The following SIN3B variants were observed in gnomAD, a reference collection of about 807,000 sequenced individuals.
SIN3B encodes paired amphipathic helix protein Sin3b.
SIN3B carries 19 observed loss-of-function variants against 120.2 expected under a neutral mutation model. The observed-to-expected ratio is 0.16, with a 90% CI of 0.11 to 0.23. SIN3B has a LOEUF of 0.23. Among genes scored for constraint, SIN3B ranks in the 10% least tolerant of loss-of-function variants. The probability of loss-of-function intolerance (pLI) is 1.00; values close to 1 mark genes in which losing one functional copy is unlikely to be tolerated. For missense variants in SIN3B, 1,073 were observed against 1,573.0 expected (o/e 0.68, Z 5.38); for synonymous variants, 654 against 653.2 (o/e 1.00, Z -0.02).
chr19:16,867,832 C>G (rs1971799233), intron 12 of SIN3B, among the ~76,000 whole-genome samples: 1 of 152,156 alleles, frequency 6.6e-6, no homozygotes, highest in South Asian at 2.1e-4. Flanking sequence ...CCACCCACAA[C>G]CACTCTGGCT....
chr19:16,844,505 C>T (rs1389843697), intron 4 of SIN3B, among the ~76,000 whole-genome samples: 1 of 152,186 alleles, frequency 6.6e-6, no homozygotes, highest in Non-Finnish European at 1.5e-5. Flanking sequence ...GGGTAACTGT[C>T]ACCCATTACA....
chr19:16,834,564 A>G (rs897444254), intron 3 of SIN3B, among the ~76,000 whole-genome samples: 2 of 152,190 alleles, frequency 1.3e-5, no homozygotes, highest in African/African-American at 4.8e-5. Context: ...TTCACTTAGT[A>G]GCTACTCAGC....
rs904804263 is a variant in SIN3B at position 16,878,257 on chromosome 19, G to T, written c.3029G>T (p.Trp1010Leu). Residue 1010 changes from tryptophan (W) to leucine (L), a missense_variant, in exon 18 of 19, where the codon TGG becomes TTG. By Grantham distance (61) the Trp-to-Leu change is moderately conservative. Coordinates refer to ENST00000248054, the MANE Select transcript of SIN3B (RefSeq NM_001297595.2). ...CTGCGCGGTGAGGCCAGGAGCTCCT[G>T]GAAGCGGCTGGTGGGCGTGGAGAGC... is the stretch of plus-strand genomic sequence containing the variant. ...RALRGEARSS[W>L]KRLVGVESAC... is the part of the protein sequence containing the mutation. The T allele has an allele frequency of 6.9e-6, 11 of 1,599,906 alleles. No individual in the cohort carries two copies. Among genetic ancestry groups the T allele is most frequent in the Non-Finnish European group, 6.8e-6 (8 of 1,173,764 alleles).
intron 3 of SIN3B, among the ~76,000 whole-genome samples, chr19:16,839,357 A>G (rs930657172): frequency 1.3e-5 from 2 of 152,112 alleles, no homozygotes; most frequent in African/African-American, 4.8e-5. Flanking sequence ...GGTAGCAATA[A>G]TTCCATGGTC....
chr19:16,876,659 G>T lies in SIN3B; in HGVS notation c.2859+81G>T. ...AGCATGGGGCTCCCACCAGCCAAGC[G>T]CAGGCCGCGCAGCATCCAGAGACCC... On this transcript the variant is annotated intron_variant, in intron 16 of 18. Transcript: ENST00000248054. This position sits in a 1 kb window ranked among gnomAD's most constrained non-coding sequence, Gnocchi z 7.1. The T allele has an allele frequency of 1.9e-6, 2 of 1,072,132 alleles. No individual in the cohort carries two copies. Among genetic ancestry groups the T allele is most frequent in the Non-Finnish European group, 1.4e-6 (1 of 718,604 alleles). 66.4% of individuals were successfully genotyped at this position (1,072,132 alleles called of 1,614,324 possible). A position where few individuals can be genotyped will look rare whatever the true frequency, so the allele number is the denominator to read the frequency against.
Position 16,878,817 on chromosome 19 carries a change from T to A in SIN3B, c.*90T>A. The stretch of plus-strand genomic sequence containing the variant: ...GTCGGGGCCGTTTTCTTGAACGACG[T>A]GAGAGGCATCTCCCAGCCCCTCTGC... On this transcript the variant is annotated 3_prime_UTR_variant, in exon 19 of 19. Transcript: ENST00000248054. 2 of 1,140,448 alleles carry A rather than the reference T, an allele frequency of 1.8e-6. No individual in the cohort carries two copies. Among genetic ancestry groups the A allele is most frequent in the Non-Finnish European group, 2.5e-6 (2 of 810,414 alleles). The allele number at this position is 1,140,448 out of a possible 1,614,324, so 70.6% of individuals were successfully genotyped here.
intron 8 of SIN3B, among the ~76,000 whole-genome samples, chr19:16,859,430 GTC>G (rs1050038420): frequency 1.3e-5 from 2 of 152,094 alleles, no homozygotes; most frequent in African/African-American, 4.8e-5. Flanking sequence ...CCTTACCAGG[GTC>G]TCTAACAATG....
chr19:16,857,678 T>C lies in SIN3B; in HGVS notation c.1058+3417T>C, dbSNP rs534034030. 3.2e-4 allele frequency among the ~76,000 whole-genome samples: 48 copies of C among 152,126 alleles called. 1 individual carries two copies. Among genetic ancestry groups the C allele is most frequent in the Middle Eastern group, 3.4e-3 (1 of 294 alleles). On this transcript the variant is annotated intron_variant, in intron 8 of 18. Transcript: ENST00000248054. ...ATGTGCCCACCACCCACATCAAAAA[T>C]AGACTCCAGGAGCACCCCCGCATAC... is the stretch of plus-strand genomic sequence containing the variant.
chr19:16,856,946 C>A (rs1255739521), intron 8 of SIN3B, among the ~76,000 whole-genome samples: 1 of 152,118 alleles, frequency 6.6e-6, no homozygotes, highest in African/African-American at 2.4e-5. Flanking sequence ...CAGTCCTTAG[C>A]CCTTTTCCCA....
At chr19:16,868,082 G>A (rs904325828) in intron 12 of SIN3B, among the ~76,000 whole-genome samples, 1 of 152,148 alleles carries the variant, frequency 6.6e-6, no homozygotes, top group Non-Finnish European at 1.5e-5. Context: ...ATTCCATCAC[G>A]TGATTTACAA....
intron 14 of SIN3B, among the ~76,000 whole-genome samples, chr19:16,874,831 G>A (rs2051566885): frequency 6.6e-6 from 1 of 151,602 alleles, no homozygotes; most frequent in Admixed American, 6.6e-5. Context: ...TTTTGGTCTG[G>A]TCTGATTTGA....
chr19:16,861,342 G>A (rs1971685317), intron 8 of SIN3B, among the ~76,000 whole-genome samples: 1 of 152,208 alleles, frequency 6.6e-6, no homozygotes, highest in South Asian at 2.1e-4. Context: ...TTTACAATGG[G>A]ATGGCTAGGC....
chr19:16,851,302 G>A (rs372301542), intron 5 of SIN3B, 110 bp from the exon 6 acceptor site: 5 of 1,350,150 alleles, frequency 3.7e-6, no homozygotes, highest in Admixed American at 2.7e-5. Flanking sequence ...GGTGCCCGTG[G>A]CCACCATTGC....
At chr19:16,877,415 G>A in intron 16 of SIN3B, 130 bp from the exon 17 acceptor site, 1 of 661,158 alleles carries the variant, frequency 1.5e-6, no homozygotes, top group Non-Finnish European at 2.7e-6. Flanking sequence ...GTCCTCTGCA[G>A]CGGCTCTCCT....
At chr19:16,871,673 ACTGCCCATTCCC>A (rs1429066170) in intron 14 of SIN3B, 1 of 391,800 alleles carries the variant, frequency 2.6e-6, no homozygotes. Flanking sequence ...ATCAGCAGCC[ACTGCCCATTCCC>A]CTGCCCCGAG....
At chr19:16,836,189 G>C (rs543390592) in intron 3 of SIN3B, among the ~76,000 whole-genome samples, 65 of 152,260 alleles carry the variant, frequency 4.3e-4, no homozygotes, top group Non-Finnish European at 7.8e-4. Context: ...CAGCCTCCCT[G>C]GCCTCCACCC....
chr19:16,842,854 A>G (rs1260274924), intron 4 of SIN3B, among the ~76,000 whole-genome samples: 1 of 152,202 alleles, frequency 6.6e-6, no homozygotes, highest in African/African-American at 2.4e-5. Context: ...GAATCTTGAC[A>G]TATCAGTCGG....
At chr19:16,866,340 T>C (rs777094042) in intron 11 of SIN3B, 33 bp from the exon 12 acceptor site, 36 of 1,584,670 alleles carry the variant, frequency 2.3e-5, no homozygotes, top group Middle Eastern at 1.7e-4. Context: ...TGCCCTGGCT[T>C]GTCCCTGGTG....
At position 16,869,455 on chromosome 19, in the gene SIN3B, C is replaced by G; in HGVS notation, c.1807-5C>G. 1 of 1,599,476 alleles carries G rather than the reference C, an allele frequency of 6.3e-7. No homozygotes were observed. ...TCCACCTAATGGCCGCCCTTCCCCC[C>G]ACAGCACCAGGAGCAGCACTCGGAG... On this transcript the variant is annotated splice_region_variant and splice_polypyrimidine_tract_variant and intron_variant, in intron 12 of 18. Coordinates refer to ENST00000248054, the MANE Select transcript of SIN3B (RefSeq NM_001297595.2).
Sources: allele counts gnomAD v4.1 joint callset (sites outside exome capture counted in the v4.1 genomes callset), GRCh38; gene constraint gnomAD v4.1.1; non-coding constraint Gnocchi (gnomAD v3.1); transcripts MANE v1.5; gene names NCBI Gene and HGNC (gene_info 2026-07-23, HGNC 2026-07-21).